The following SEMA3D variants were observed in gnomAD, a reference collection of about 807,000 sequenced individuals.
SEMA3D encodes the protein semaphorin-3D.
Under a neutral mutation model 100.1 loss-of-function variants are expected in SEMA3D, and 84 were observed. That is an observed-to-expected ratio of 0.84 (90% CI 0.70 to 1.01). The LOEUF (loss-of-function observed/expected upper bound fraction) is 1.01, where lower values mean the gene tolerates loss of function less well. SEMA3D is among the 50% of genes least tolerant of loss of function. SEMA3D has a pLI of 0.00. For synonymous variants in SEMA3D, 312 were observed against 320.7 expected (o/e 0.97, Z 0.29); for missense variants, 875 against 934.1 (o/e 0.94, Z 0.82).
intron 1 of SEMA3D, among the ~76,000 whole-genome samples, chr7:85,183,326 C>G (rs1021199092): frequency 6.6e-6 from 1 of 152,164 alleles, no homozygotes; most frequent in Non-Finnish European, 1.5e-5. Context: ...TAACTGGAGA[C>G]TATGAAACTT....
chr7:85,016,591 T>C (rs1281987641), intron 15 of SEMA3D, among the ~76,000 whole-genome samples: 1 of 151,776 alleles, frequency 6.6e-6, no homozygotes, highest in Non-Finnish European at 1.5e-5. Context: ...ATCACTTCTT[T>C]CCTGGATTAC....
the SEMA3D span, among the ~76,000 whole-genome samples, chr7:85,209,190 A>C: frequency 6.6e-6 from 1 of 152,152 alleles, no homozygotes; most frequent in East Asian, 1.9e-4. Context: ...AGTCTGGTAT[A>C]AATGGTAAAC....
At position 85,152,573 on chromosome 7, in the gene SEMA3D, A is replaced by G. The variant is rs544049884; in HGVS notation, c.-41+1035T>C. ...GCCTATCAAACAATGAAACAACACAACAATAACAGAATATGATGTTGATTT... is the reference window on the plus strand; with the variant it reads ...GCCTATCAAACAATGAAACAACACAGCAATAACAGAATATGATGTTGATTT... On this transcript the variant is annotated intron_variant, in intron 2 of 18. Coordinates refer to ENST00000284136, the MANE Select transcript of SEMA3D (RefSeq NM_001384900.1). Among the ~76,000 whole-genome samples the G allele has an allele frequency of 2.6e-5, 4 of 152,258 alleles. No individual in the cohort carries two copies. In the East Asian group the frequency reaches 7.7e-4, roughly 29 times the overall value.
chr7:85,082,004 T>C (rs1788078466), intron 4 of SEMA3D, among the ~76,000 whole-genome samples: 1 of 152,228 alleles, frequency 6.6e-6, no homozygotes, highest in Admixed American at 6.5e-5. Context: ...GCATAACTTC[T>C]TTCTCCAAGC....
intron 2 of SEMA3D, among the ~76,000 whole-genome samples, chr7:85,137,420 AAC>A (rs1417227926): frequency 1.3e-5 from 2 of 152,010 alleles, no homozygotes; most frequent in East Asian, 1.9e-4. Flanking sequence ...TCACACACAT[AAC>A]ACAGACACTA....
rs183705631 is a variant in SEMA3D at position 84,995,786 on chromosome 7, C to T, written c.*3654G>A. The T allele has an allele frequency of 6.3e-4, 96 of 152,050 alleles. No homozygotes were observed. Among genetic ancestry groups the T allele is most frequent in the African/African-American group, 2.3e-3 (95 of 41,530 alleles). 9.4% of individuals were successfully genotyped at this position (152,050 alleles called of 1,614,324 possible). The stretch of plus-strand genomic sequence containing the variant: ...AAAAATCATCTATCTCAAACCCTTT[C>T]CATAAATACTTTATACTATAAAATA... On this transcript the variant is annotated 3_prime_UTR_variant, in exon 19 of 19. Coordinates refer to ENST00000284136, the MANE Select transcript of SEMA3D (RefSeq NM_001384900.1).
chr7:85,214,204 T>C, the SEMA3D span, among the ~76,000 whole-genome samples: 3 of 152,158 alleles, frequency 2.0e-5, no homozygotes, highest in Non-Finnish European at 4.4e-5. Context: ...CTCTAACAAC[T>C]GGGATCCACT....
chr7:85,132,395 C>T (rs1789749864), intron 2 of SEMA3D, among the ~76,000 whole-genome samples: 1 of 151,802 alleles, frequency 6.6e-6, no homozygotes, highest in Non-Finnish European at 1.5e-5. Context: ...CTTTTAATAA[C>T]ATTTTAAACC....
At chr7:85,139,734 A>T (rs1789986695) in intron 2 of SEMA3D, among the ~76,000 whole-genome samples, 1 of 152,068 alleles carries the variant, frequency 6.6e-6, no homozygotes, top group Non-Finnish European at 1.5e-5. Flanking sequence ...GTAGGATGCC[A>T]TTGATTTCAG....
chr7:85,101,090 A>G (rs945443722), intron 3 of SEMA3D, among the ~76,000 whole-genome samples: 6 of 152,012 alleles, frequency 3.9e-5, no homozygotes, highest in African/African-American at 1.4e-4. Context: ...ATTGTAAAGT[A>G]GAACTGAGAA....
chr7:85,099,839 C>T (rs538441026), intron 3 of SEMA3D, among the ~76,000 whole-genome samples: 20 of 151,826 alleles, frequency 1.3e-4, no homozygotes, highest in Non-Finnish European at 2.5e-4. Context: ...GGTGAGATGT[C>T]TGTTAAGGCC....
chr7:85,234,497 C>T, the SEMA3D span, among the ~76,000 whole-genome samples: 1 of 152,154 alleles, frequency 6.6e-6, no homozygotes, highest in Non-Finnish European at 1.5e-5. Context: ...TGCAAATGAC[C>T]ACTGTACTGG....
intron 4 of SEMA3D, among the ~76,000 whole-genome samples, chr7:85,091,111 A>T (rs898781085): frequency 1.6e-4 from 22 of 141,570 alleles, no homozygotes; most frequent in Non-Finnish European, 9.3e-5. Context: ...AGAGGGAGGG[A>T]GGGAAAGAAG....
intron 4 of SEMA3D, among the ~76,000 whole-genome samples, chr7:85,094,624 G>A (rs756943488): frequency 6.6e-6 from 1 of 151,840 alleles, no homozygotes; most frequent in Non-Finnish European, 1.5e-5. Flanking sequence ...CAACAAAAGT[G>A]TCATAACTGG....
chr7:85,152,278 A>AT (rs1177633738), intron 2 of SEMA3D, among the ~76,000 whole-genome samples: 1 of 152,120 alleles, frequency 6.6e-6, no homozygotes, highest in Non-Finnish European at 1.5e-5. Context: ...CCAAAGATGC[A>AT]TGTAAAAGAA....
rs989598274 is a variant in SEMA3D, at chr7:85,142,351, C to A, written c.-41+11257G>T. The stretch of plus-strand genomic sequence containing the variant: ...AGTTAATTCCATATGAATTTTATTG[C>A]TTTAAAATCAAAATTTATTTCTCTA... On this transcript the variant is annotated intron_variant, in intron 2 of 18. Coordinates refer to ENST00000284136, the MANE Select transcript of SEMA3D (RefSeq NM_001384900.1). The A allele has an allele frequency of 4.2e-5, 39 of 934,188 alleles. No homozygotes were observed. In the African/African-American group the frequency reaches 6.8e-4, roughly 16 times the overall value. 57.9% of individuals were successfully genotyped at this position (934,188 alleles called of 1,614,324 possible).
At chr7:85,212,533 C>A in the SEMA3D span, among the ~76,000 whole-genome samples, 1 of 150,810 alleles carries the variant, frequency 6.6e-6, no homozygotes, top group Non-Finnish European at 1.5e-5. Flanking sequence ...ACTTTGATAT[C>A]GACTCAGATT....
intron 9 of SEMA3D, among the ~76,000 whole-genome samples, chr7:85,054,782 C>T (rs758771607): frequency 8.5e-5 from 13 of 152,062 alleles, no homozygotes; most frequent in Non-Finnish European, 1.6e-4. Context: ...TATTTATTAA[C>T]AGCTCTTCCC....
At chr7:85,208,860 C>T in the SEMA3D span, among the ~76,000 whole-genome samples, 1 of 151,968 alleles carries the variant, frequency 6.6e-6, no homozygotes, top group Non-Finnish European at 1.5e-5. Context: ...CGCAATACTA[C>T]AAATAATCTA....
Sources: gnomAD v4.1 joint callset for allele counts (sites outside exome capture counted in the v4.1 genomes callset) on GRCh38, gnomAD v4.1.1 for gene constraint, MANE v1.5 for transcripts, NCBI Gene and HGNC (gene_info 2026-07-23, HGNC 2026-07-21) for gene names.